GLDC: variants seen among roughly 807,000 people sequenced by gnomAD.
The protein encoded by GLDC is glycine decarboxylase.
In GLDC, 104 loss-of-function variants were observed where a neutral mutation model predicts 121.3. That is an observed-to-expected ratio of 0.86 (90% CI 0.73 to 1.01). The LOEUF (loss-of-function observed/expected upper bound fraction) is 1.01. Ranked by LOEUF, GLDC falls within the 50% of genes least tolerant of loss-of-function variation. The pLI is 0.00. For synonymous variants in GLDC, 546 were observed against 480.6 expected (o/e 1.14, Z -1.78); for missense variants, 1,429 against 1,306.6 (o/e 1.09, Z -1.44).
chr9:6,644,551 G>C (rs1319269480), intron 2 of GLDC, 63 bp downstream of exon 2: 1 of 1,132,858 alleles, frequency 8.8e-7, no homozygotes, highest in Non-Finnish European at 1.3e-6. Context: ...GATTTTCAGG[G>C]AACCACAAAA....
intron 22 of GLDC, among the ~76,000 whole-genome samples, chr9:6,539,417 T>G (rs1817206033): frequency 1.3e-5 from 2 of 152,152 alleles, no homozygotes; most frequent in African/African-American, 4.8e-5. Context: ...AGGTGGAGGT[T>G]GCAGTGAGCT....
chr9:6,607,568 C>G (rs1001022700), intron 4 of GLDC, among the ~76,000 whole-genome samples: 1 of 151,840 alleles, frequency 6.6e-6, no homozygotes, highest in Non-Finnish European at 1.5e-5. Context: ...GGCCACAGAG[C>G]GAGACTCTGT....
chr9:6,629,332 A>G (rs1253368370), intron 2 of GLDC, among the ~76,000 whole-genome samples: 2 of 151,048 alleles, frequency 1.3e-5, no homozygotes, highest in African/African-American at 4.9e-5. Context: ...CTCCTGCCTC[A>G]GCCTCCCGAG....
intron 2 of GLDC, among the ~76,000 whole-genome samples, chr9:6,629,932 T>C (rs1185381549): frequency 1.2e-5 from 1 of 82,676 alleles, no homozygotes; most frequent in Non-Finnish European, 2.1e-5. Flanking sequence ...CTTTTCACTA[T>C]ATATATATAT....
At chr9:6,549,838 C>G (rs951474937) in intron 21 of GLDC, among the ~76,000 whole-genome samples, 3 of 152,090 alleles carry the variant, frequency 2.0e-5, no homozygotes, top group Admixed American at 1.3e-4. Flanking sequence ...TCCCCCTTGC[C>G]GCCGTCTTAA....
At chr9:6,551,610 G>C (rs1042846104) in intron 20 of GLDC, among the ~76,000 whole-genome samples, 2 of 152,118 alleles carry the variant, frequency 1.3e-5, no homozygotes, top group African/African-American at 4.8e-5. Flanking sequence ...CATTAAGGGG[G>C]TCCAAAGTAA....
intron 15 of GLDC, among the ~76,000 whole-genome samples, chr9:6,571,509 G>A (rs772629732): frequency 6.6e-6 from 1 of 152,116 alleles, no homozygotes; most frequent in African/African-American, 2.4e-5. Flanking sequence ...CAGTGAGATC[G>A]TGCCACTGTA....
Position 6,587,301 on chromosome 9 carries a change from A to G in GLDC, c.1708-18T>C, listed in dbSNP as rs200420453. ...GTGATAGGCTGAAAAGAAAGAAAAC[A>G]AAAATGCATATATACATATTATAAT... On this transcript the variant is annotated intron_variant, in intron 14 of 24. Coordinates refer to ENST00000321612, the MANE Select transcript of GLDC (RefSeq NM_000170.3). 6.3e-6 allele frequency: 10 copies of G among 1,576,590 alleles called. No homozygotes were observed. The highest frequency in any genetic ancestry group is 1.7e-4 in the Middle Eastern group (1 of 5,990).
chr9:6,545,840 C>T (rs1817376180), intron 21 of GLDC, among the ~76,000 whole-genome samples: 1 of 152,108 alleles, frequency 6.6e-6, no homozygotes, highest in South Asian at 2.1e-4. Context: ...GGGGTTTCAC[C>T]ATGTTGGCCT....
rs559114972 is a variant in GLDC at position 6,590,077 on chromosome 9, G to A, written c.1483-785C>T. Among the ~76,000 whole-genome samples, 16 of 151,748 alleles carry A rather than the reference G, an allele frequency of 1.1e-4. No individual in the cohort carries two copies. The East Asian group carries it at 2.7e-3, about 26-fold the overall frequency. ...CTTAAAAAAAAAAAAGAAAATATAG[G>A]GGCTAATCTGCATAACCTTGGATCT... On this transcript the variant is annotated intron_variant, in intron 11 of 24. Coordinates refer to ENST00000321612, the MANE Select transcript of GLDC (RefSeq NM_000170.3).
intron 17 of GLDC, chr9:6,558,181 T>C (rs1413457372): frequency 4.3e-6 from 2 of 460,798 alleles, no homozygotes; most frequent in South Asian, 2.7e-5. Flanking sequence ...GGCACAGTCA[T>C]GGATATTTGC....
At chr9:6,557,366 C>T (rs113308101) in intron 17 of GLDC, among the ~76,000 whole-genome samples, 2,461 of 152,172 alleles carry the variant, frequency 0.016, 69 homozygotes, top group African/African-American at 0.056. Flanking sequence ...GAGGCTGAGG[C>T]GGGCGGATCA....
intron 2 of GLDC, among the ~76,000 whole-genome samples, chr9:6,637,295 C>T (rs921560214): frequency 2.0e-5 from 3 of 151,472 alleles, no homozygotes; most frequent in African/African-American, 7.3e-5. Context: ...ATACCAGCTA[C>T]CTGGGAGGCA....
chr9:6,544,224 C>T (rs972973996), intron 21 of GLDC, among the ~76,000 whole-genome samples: 7 of 152,202 alleles, frequency 4.6e-5, no homozygotes, highest in Admixed American at 2.6e-4. Context: ...GTAGTTCAAG[C>T]GAGAATGAGG....
intron 15 of GLDC, among the ~76,000 whole-genome samples, chr9:6,570,233 T>C (rs1201610365): frequency 6.6e-6 from 1 of 152,232 alleles, no homozygotes; most frequent in African/African-American, 2.4e-5. Flanking sequence ...ATTTGTGTTC[T>C]CAAATAGAAT....
intron 20 of GLDC, among the ~76,000 whole-genome samples, chr9:6,552,088 A>G (rs1192663846): frequency 6.6e-6 from 1 of 152,222 alleles, no homozygotes; most frequent in Admixed American, 6.5e-5. Context: ...GTGGGGGCCT[A>G]GGGTGAGTCT....
At chr9:6,598,863 AC>A (rs1478471914) in intron 8 of GLDC, among the ~76,000 whole-genome samples, 1 of 152,228 alleles carries the variant, frequency 6.6e-6, no homozygotes, top group Non-Finnish European at 1.5e-5. Flanking sequence ...TATCAGCTAT[AC>A]ATGAACTGGA....
At chr9:6,587,532 T>G (rs1324792170) in intron 14 of GLDC, among the ~76,000 whole-genome samples, 1 of 152,204 alleles carries the variant, frequency 6.6e-6, no homozygotes, top group South Asian at 2.1e-4. Flanking sequence ...TTGCTAACTT[T>G]TCAGGGAAGA....
chr9:6,622,833 TGAG>T (rs1166847337), intron 2 of GLDC: 1 of 225,112 alleles, frequency 4.4e-6, no homozygotes, highest in Non-Finnish European at 8.9e-6. Flanking sequence ...ATCTAGGAAG[TGAG>T]GAGCGTCTCT....
Sources: gnomAD v4.1 joint callset for allele counts (sites outside exome capture counted in the v4.1 genomes callset) on GRCh38, gnomAD v4.1.1 for gene constraint, MANE v1.5 for transcripts, NCBI Gene and HGNC (gene_info 2026-07-23, HGNC 2026-07-21) for gene names.